OR51B5: variants seen among roughly 807,000 people sequenced by gnomAD.
OR51B5 encodes olfactory receptor 51B5.
For missense variants in OR51B5, 456 were observed against 374.6 expected, an observed-to-expected ratio of 1.22 and a Z score of -1.79; for synonymous variants, 186 against 144.8, an observed-to-expected ratio of 1.28 and a Z score of -2.04.
At chr11:5,403,616 G>A in intron 1 of OR51B5, 1 of 415,346 alleles carries the variant, frequency 2.4e-6, no homozygotes, top group Non-Finnish European at 5.0e-6. Flanking sequence ...GGTGGCCCTA[G>A]ATTGCATGTT....
chr11:5,473,201 C>T (rs1164898537), intron 1 of OR51B5, among the ~76,000 whole-genome samples: 1 of 152,128 alleles, frequency 6.6e-6, no homozygotes, highest in Non-Finnish European at 1.5e-5. Flanking sequence ...AAAGACTTGC[C>T]AATTTTTTAT....
At chr11:5,440,641 T>C (rs766077162) in intron 1 of OR51B5, 10 of 1,613,698 alleles carry the variant, frequency 6.2e-6, no homozygotes, top group Middle Eastern at 1.6e-4. Context: ...CTGTAGATGA[T>C]AGGGTTGAGC....
At chr11:5,368,984 C>G (rs904520281) in intron 1 of OR51B5, among the ~76,000 whole-genome samples, 1 of 152,088 alleles carries the variant, frequency 6.6e-6, no homozygotes, top group East Asian at 1.9e-4. Flanking sequence ...AATTGTGTGT[C>G]AGCCAACTAG....
chr11:5,431,453 T>G (rs185093544), intron 1 of OR51B5: 149 of 175,518 alleles, frequency 8.5e-4, no homozygotes, highest in Non-Finnish European at 1.4e-3. Flanking sequence ...CTTCCTGCAC[T>G]GCTGCCATAA....
intron 1 of OR51B5, among the ~76,000 whole-genome samples, chr11:5,416,858 T>C (rs1406668393): frequency 2.0e-5 from 3 of 151,940 alleles, no homozygotes; most frequent in Non-Finnish European, 2.9e-5. Context: ...CTGCCCAAGG[T>C]AATTTACAGA....
intron 1 of OR51B5, chr11:5,430,817 TCA>T: frequency 2.2e-6 from 1 of 457,370 alleles, no homozygotes; most frequent in Non-Finnish European, 4.4e-6. Context: ...GCACGATGCA[TCA>T]CAGACACCCC....
chr11:5,496,388 A>G (rs1851650907), intron 1 of OR51B5, among the ~76,000 whole-genome samples: 1 of 152,264 alleles, frequency 6.6e-6, no homozygotes, highest in Non-Finnish European at 1.5e-5. Context: ...TCCAAACTCC[A>G]GTGAAATGTC....
intron 1 of OR51B5, among the ~76,000 whole-genome samples, chr11:5,378,135 A>G (rs1309354496): frequency 1.3e-5 from 2 of 151,860 alleles, no homozygotes; most frequent in Non-Finnish European, 2.9e-5. Context: ...GGAACAGAAC[A>G]GAGCCCTCAG....
chr11:5,397,764 C>A (rs576342012), intron 1 of OR51B5, among the ~76,000 whole-genome samples: 2 of 148,852 alleles, frequency 1.3e-5, no homozygotes, highest in Non-Finnish European at 3.0e-5. Flanking sequence ...ATGTTTATTG[C>A]GGCACTATTC....
exon 1 of OR51B5, chr11:5,342,862 C>T: frequency 6.2e-7 from 1 of 1,612,516 alleles, no homozygotes; most frequent in Non-Finnish European, 8.5e-7. Flanking sequence ...TCAGGACAGT[C>T]TTGAGTATCA....
chr11:5,454,355 T>C (rs1436328971), intron 1 of OR51B5: 18 of 1,613,962 alleles, frequency 1.1e-5, no homozygotes, highest in Non-Finnish European at 1.4e-5. Context: ...TGCTCAACCC[T>C]CTCATTTATA....
chr11:5,363,872 T>C (rs1348108006), intron 1 of OR51B5, among the ~76,000 whole-genome samples: 6 of 152,284 alleles, frequency 3.9e-5, no homozygotes, highest in Admixed American at 2.6e-4. Context: ...GTCTTCTCTC[T>C]TTGCAAACCC....
chr11:5,362,323 G>T (rs2133698753), intron 1 of OR51B5, among the ~76,000 whole-genome samples: 1 of 152,264 alleles, frequency 6.6e-6, no homozygotes, highest in South Asian at 2.1e-4. Flanking sequence ...GATGCTTTGG[G>T]CAAAAAGCCA....
chr11:5,454,673 G>A (rs1312873196), intron 1 of OR51B5: 4 of 333,324 alleles, frequency 1.2e-5, no homozygotes, highest in Admixed American at 4.4e-5. Context: ...GTTTTACAGA[G>A]GAAGACTAAT....
At position 5,503,599 on chromosome 11, in the gene OR51B5, C is replaced by T. The variant is rs139903433; in HGVS notation, n.84+1970G>A. ...TACTTGGAAAAATAGACAAAATTAG[C>T]CAATGGTATCTTGCAATGTCAGGCA... On this transcript the variant is annotated intron_variant and non_coding_transcript_variant, in intron 1 of 4. Coordinates refer to the OR51B5 transcript ENST00000415970. Among the ~76,000 whole-genome samples, 730 of 152,112 alleles carry T rather than the reference C, an allele frequency of 4.8e-3. 7 individuals are homozygous for T. Among genetic ancestry groups the T allele is most frequent in the African/African-American group, 0.014 (565 of 41,496 alleles).
intron 1 of OR51B5, among the ~76,000 whole-genome samples, chr11:5,359,759 G>A (rs1000021362): frequency 5.3e-5 from 8 of 151,430 alleles, no homozygotes; most frequent in Admixed American, 2.0e-4. Context: ...CAAGGCTACA[G>A]TAACCAAAAC....
intron 1 of OR51B5, among the ~76,000 whole-genome samples, chr11:5,424,289 T>A (rs76636305): frequency 6.6e-6 from 1 of 151,818 alleles, no homozygotes; most frequent in Non-Finnish European, 1.5e-5. Context: ...CGTAGACACA[T>A]AGAAGGGTGA....
rs142926763 is a variant in OR51B5 at position 5,487,245 on chromosome 11, A to G, written n.84+18324T>C. Among the ~76,000 whole-genome samples the G allele has an allele frequency of 3.9e-5, 6 of 152,306 alleles. No homozygotes were observed. The East Asian group carries it at 7.7e-4, about 20-fold the overall frequency. ...AACTGTACTCTCTTTTATCGAGAGTATATGTTGTTAAAATATAAATATCTT... is the reference window on the plus strand; with the variant it reads ...AACTGTACTCTCTTTTATCGAGAGTGTATGTTGTTAAAATATAAATATCTT... On this transcript the variant is annotated intron_variant and non_coding_transcript_variant, in intron 1 of 4. Transcript: ENST00000415970.
chr11:5,466,046 T>G (rs184199792), intron 1 of OR51B5, among the ~76,000 whole-genome samples: 3,478 of 152,108 alleles, frequency 0.023, 150 homozygotes, highest in African/African-American at 0.08. Context: ...AGAAAATTTT[T>G]GCAACCTACT....
Sources: gnomAD v4.1 joint callset for allele counts (sites outside exome capture counted in the v4.1 genomes callset) on GRCh38, gnomAD v4.1.1 for gene constraint, MANE v1.5 for transcripts, NCBI Gene and HGNC (gene_info 2026-07-23, HGNC 2026-07-21) for gene names.